The following ST6GALNAC1 variants were observed in gnomAD, a reference collection of about 807,000 sequenced individuals.
ST6GALNAC1 encodes alpha-N-acetylgalactosaminide alpha-2,6-sialyltransferase 1.
In ST6GALNAC1, 45 loss-of-function variants were observed where a neutral mutation model predicts 56.8. The ratio of observed to expected loss-of-function variants is 0.79; its 90% CI spans 0.62 to 1.02. The LOEUF (loss-of-function observed/expected upper bound fraction) is 1.02, where lower values mean the gene tolerates loss of function less well. Ranked by LOEUF, ST6GALNAC1 falls within the 50% of genes least tolerant of loss-of-function variation. The pLI is 0.00. For synonymous variants in ST6GALNAC1, 295 were observed against 297.8 expected, an observed-to-expected ratio of 0.99 and a Z score of 0.10; for missense variants, 743 against 754.8, an observed-to-expected ratio of 0.98 and a Z score of 0.18.
chr17:76,625,541 G>A lies in ST6GALNAC1; in HGVS notation c.1606-14C>T. ...ATAAGCACTCACCTACATCACGGTT[G>A]GAGGAGAAACACGGCCTGTAGTTGC... On this transcript the variant is annotated splice_polypyrimidine_tract_variant and intron_variant, in intron 8 of 8. Transcript: ENST00000156626. 2 of 1,612,954 alleles carry A rather than the reference G, an allele frequency of 1.2e-6. No homozygotes were observed. The highest frequency in any genetic ancestry group is 8.5e-7 in the Non-Finnish European group (1 of 1,179,850).
Position 76,632,576 on chromosome 17 carries a change from G to A in ST6GALNAC1, c.132-2865C>T, listed in dbSNP as rs2075918913. The stretch of plus-strand genomic sequence containing the variant: ...ATAATCCAGGTAGTGACAAAATTAT[G>A]TAATTAAGTTTCATTTAATTCCCTA... On this transcript the variant is annotated intron_variant, in intron 1 of 8. Transcript: ENST00000156626. 4.6e-5 allele frequency among the ~76,000 whole-genome samples: 7 copies of A among 152,188 alleles called. No individual in the cohort carries two copies. The South Asian group carries it at 1.4e-3, about 31-fold the overall frequency.
intron 1 of ST6GALNAC1, among the ~76,000 whole-genome samples, chr17:76,636,449 C>T (rs1168273794): frequency 6.6e-6 from 1 of 152,046 alleles, no homozygotes; most frequent in Non-Finnish European, 1.5e-5. Context: ...GACCCTGCTT[C>T]CTGGCAGTGT....
chr17:76,626,048 T>A lies in ST6GALNAC1; in HGVS notation c.1463A>T (p.Tyr488Phe). ...GAGAAAGTCTGGGTGCAGCAACAGG[T>A]ACCTGTCCATGTGCAGGGCTTCCCG... is the stretch of plus-strand genomic sequence containing the variant. ...AFREALHMDR[Y>F]LLLHPDFLRY... is the part of the protein sequence containing the mutation. The change falls in exon 7 of 9, where the codon TAC becomes TTC. Residue 488 changes from tyrosine to phenylalanine, a missense_variant. Transcript: ENST00000156626. 1.2e-6 allele frequency: 2 copies of A among 1,614,178 alleles called. No homozygotes were observed. Among genetic ancestry groups the A allele is most frequent in the South Asian group, 2.2e-5 (2 of 91,078 alleles).
chr17:76,640,310 T>C (rs2076033412), intron 1 of ST6GALNAC1, among the ~76,000 whole-genome samples: 1 of 152,118 alleles, frequency 6.6e-6, no homozygotes, highest in Non-Finnish European at 1.5e-5. Context: ...CCCAGGTACA[T>C]TACATCGTGG....
At chr17:76,634,868 A>G (rs2075957466) in intron 1 of ST6GALNAC1, among the ~76,000 whole-genome samples, 1 of 152,186 alleles carries the variant, frequency 6.6e-6, no homozygotes, top group South Asian at 2.1e-4. Flanking sequence ...TGAGTGATAC[A>G]GCAAGACTCT....
rs959687662 is a variant in ST6GALNAC1, at chr17:76,643,734, G to C, written c.-96C>G. On this transcript the variant is annotated 5_prime_UTR_variant, in exon 1 of 9. Coordinates refer to ENST00000156626, the MANE Select transcript of ST6GALNAC1 (RefSeq NM_018414.5). ...ACCGCTCAGGTTTCCTGGCCAGGAA[G>C]TGCACACCCTTTGTCTTAACAATGA... 4 of 1,278,398 alleles carry C rather than the reference G, an allele frequency of 3.1e-6. No individual in the cohort carries two copies. The East Asian group carries it at 7.2e-5, about 23-fold the overall frequency. The allele number at this position is 1,278,398 out of a possible 1,614,324, so 79.2% of individuals were successfully genotyped here.
rs545290323 is a variant in ST6GALNAC1 at position 76,625,451 on chromosome 17, A to C, written c.1682T>G (p.Leu561Arg). 3.8e-5 allele frequency: 62 copies of C among 1,614,180 alleles called. No homozygotes were observed. Among genetic ancestry groups the C allele is most frequent in the Non-Finnish European group, 5.1e-5 (60 of 1,180,024 alleles). ...DHYYDTSWKR[L>R]IFYINHDFKL... ...GAAGTCATGGTTTATGTAAAAGATC[A>C]GCCGCTTCCATGATGTATCATAGTA... The change falls in exon 9 of 9, where the codon CTG (leucine) becomes CGG (arginine). Residue 561 changes from leucine to arginine, a missense_variant. By Grantham distance (102) the Leu-to-Arg change is moderately radical (BLOSUM62 -2). Transcript: ENST00000156626.
downstream of ST6GALNAC1, among the ~76,000 whole-genome samples, chr17:76,622,798 CTTTT>C (rs61197441): frequency 1.4e-5 from 2 of 140,620 alleles, no homozygotes; most frequent in African/African-American, 5.2e-5. Context: ...CTTGTCATTT[CTTTT>C]TTTTTTTTTT....
chr17:76,636,602 T>C (rs2075975924), intron 1 of ST6GALNAC1, among the ~76,000 whole-genome samples: 1 of 152,028 alleles, frequency 6.6e-6, no homozygotes, highest in African/African-American at 2.4e-5. Flanking sequence ...GAGACTCCGT[T>C]TCAAAAAAAG....
intron 1 of ST6GALNAC1, among the ~76,000 whole-genome samples, chr17:76,632,217 G>T (rs1026744799): frequency 6.6e-6 from 1 of 152,188 alleles, no homozygotes; most frequent in African/African-American, 2.4e-5. Flanking sequence ...AACTCCGGCA[G>T]CCCTCGGCAG....
At chr17:76,621,503 G>A (rs745854637), downstream of ST6GALNAC1, among the ~76,000 whole-genome samples, 4 of 151,654 alleles carry the variant, frequency 2.6e-5, no homozygotes, top group Admixed American at 6.6e-5. Context: ...TTGAGATGGA[G>A]TTTCGCTCTG....
At position 76,625,393 on chromosome 17, in the gene ST6GALNAC1, G is replaced by C. The variant is rs149996373; in HGVS notation, c.1740C>G (p.His580Gln). 2 of 1,614,128 alleles carry C rather than the reference G, an allele frequency of 1.2e-6. No individual in the cohort carries two copies. The highest frequency in any genetic ancestry group is 3.3e-5 in the Admixed American group (2 of 60,018). The change falls in exon 9 of 9, where the codon CAC (histidine) becomes CAG (glutamine). Residue 580 changes from histidine (H) to glutamine (Q), a missense_variant. By Grantham distance (24) the His-to-Gln change is conservative. Coordinates refer to ENST00000156626, the MANE Select transcript of ST6GALNAC1 (RefSeq NM_018414.5). ...KLEREVWKRL[H>Q]DEGIIRLYQR... ...GGTACAGCCGGATTATCCCTTCATC[G>C]TGTAGCCGCTTCCAGACTTCTCTCT...
At chr17:76,630,487 G>A (rs1368708934) in intron 1 of ST6GALNAC1, among the ~76,000 whole-genome samples, 1 of 152,030 alleles carries the variant, frequency 6.6e-6, no homozygotes, top group African/African-American at 2.4e-5. Context: ...TTCTGACCTT[G>A]AAACTGAAGC....
downstream of ST6GALNAC1, among the ~76,000 whole-genome samples, chr17:76,623,603 C>T (rs1253848064): frequency 6.6e-6 from 1 of 152,176 alleles, no homozygotes; most frequent in Non-Finnish European, 1.5e-5. Context: ...ACATCCTCTA[C>T]TTGATTATCA....
rs2075790632 is a variant in ST6GALNAC1, at chr17:76,625,889, G to T, written c.1535C>A (p.Ala512Asp). ...RFLRSKTLDG[A>D]HWRIYRPTTG... ...GGTGGGGCGGTATATCCTCCAGTGG[G>T]CACCATCCAGGGTCTTAGACCTCAG... Residue 512 changes from alanine to aspartate, a missense_variant, in exon 8 of 9, where the codon GCC becomes GAC. By Grantham distance (126) the Ala-to-Asp change is moderately radical (BLOSUM62 -2). Transcript: ENST00000156626. 2 of 1,565,620 alleles carry T rather than the reference G, an allele frequency of 1.3e-6. No individual in the cohort carries two copies. Among genetic ancestry groups the T allele is most frequent in the African/African-American group, 2.7e-5 (2 of 73,418 alleles).
chr17:76,640,802 A>G (rs763777761), intron 1 of ST6GALNAC1, among the ~76,000 whole-genome samples: 1 of 152,260 alleles, frequency 6.6e-6, no homozygotes, highest in Non-Finnish European at 1.5e-5. Context: ...TTACTTCTGT[A>G]TGACAAAAGA....
the ST6GALNAC1 span, among the ~76,000 whole-genome samples, chr17:76,619,108 G>A: frequency 6.6e-6 from 1 of 152,094 alleles, no homozygotes; most frequent in African/African-American, 2.4e-5. Flanking sequence ...TCTTCAGGCT[G>A]GCTTCTGTGT....
intron 1 of ST6GALNAC1, 66 bp downstream of exon 1, chr17:76,643,442 G>C: frequency 6.3e-7 from 1 of 1,576,362 alleles, no homozygotes; most frequent in Admixed American, 1.7e-5. Context: ...AGTCCTCCCT[G>C]GGCTATCATT....
intron 2 of ST6GALNAC1, 136 bp downstream of exon 2, chr17:76,628,876 C>T: frequency 1.3e-6 from 1 of 789,056 alleles, no homozygotes; most frequent in Non-Finnish European, 2.0e-6. Context: ...AGCTCTGCCT[C>T]ATAATGAGCT....
Sources: allele counts gnomAD v4.1 joint callset (sites outside exome capture counted in the v4.1 genomes callset), GRCh38; gene constraint gnomAD v4.1.1; transcripts MANE v1.5; gene names NCBI Gene and HGNC (gene_info 2026-07-23, HGNC 2026-07-21).